The following ENTREP2 variants were observed in gnomAD, a reference collection of about 807,000 sequenced individuals.
ENTREP2 encodes the protein protein ENTREP2.
chr15:29,231,457 A>G, the ENTREP2 span, among the ~76,000 whole-genome samples: 1 of 152,314 alleles, frequency 6.6e-6, no homozygotes, highest in South Asian at 2.1e-4. Flanking sequence ...CTCATATCCC[A>G]TATCATATGT....
the ENTREP2 span, among the ~76,000 whole-genome samples, chr15:29,614,439 T>C: frequency 6.6e-6 from 1 of 152,148 alleles, no homozygotes; most frequent in Non-Finnish European, 1.5e-5. Flanking sequence ...TTACCTTGTT[T>C]ATCTGGGGAG....
chr15:29,490,427 G>A, the ENTREP2 span, among the ~76,000 whole-genome samples: 2 of 152,166 alleles, frequency 1.3e-5, no homozygotes, highest in South Asian at 2.1e-4. Context: ...TGCTGGCTCC[G>A]GCAGCCTGCT....
At chr15:29,503,181 G>C in the ENTREP2 span, among the ~76,000 whole-genome samples, 1 of 152,070 alleles carries the variant, frequency 6.6e-6, no homozygotes, top group African/African-American at 2.4e-5. Flanking sequence ...TAGTCTAAAA[G>C]TGGAAAGAAA....
At chr15:29,135,913 G>A in the ENTREP2 span, among the ~76,000 whole-genome samples, 266 of 152,036 alleles carry the variant, frequency 1.7e-3, 1 homozygote, top group African/African-American at 4.3e-3. The surrounding 1 kb of genome is among the most constrained non-coding windows in gnomAD (Gnocchi z 7.4). Context: ...CTGGGTACTC[G>A]GTCCATGGAC....
chr15:29,439,419 T>C, the ENTREP2 span, among the ~76,000 whole-genome samples: 41 of 151,920 alleles, frequency 2.7e-4, no homozygotes, highest in East Asian at 6.8e-3. Context: ...ACCCACACTA[T>C]TGAATTACAA....
At chr15:29,482,919 T>C in the ENTREP2 span, among the ~76,000 whole-genome samples, 1 of 152,376 alleles carries the variant, frequency 6.6e-6, no homozygotes, top group South Asian at 2.1e-4. Context: ...GCTGCTCAAC[T>C]GCCTTCCAAA....
chr15:29,366,192 G>A, the ENTREP2 span, among the ~76,000 whole-genome samples: 1 of 152,084 alleles, frequency 6.6e-6, no homozygotes, highest in African/African-American at 2.4e-5. Context: ...TCCTGCCTCA[G>A]CCTCCTGAGT....
chr15:29,279,570 G>A, the ENTREP2 span, among the ~76,000 whole-genome samples: 8 of 152,024 alleles, frequency 5.3e-5, 1 homozygote, highest in East Asian at 5.8e-4. Flanking sequence ...TCACCATGTT[G>A]GCCAGGATGG....
the ENTREP2 span, among the ~76,000 whole-genome samples, chr15:29,413,832 AGGCAGG>A: frequency 7.5e-4 from 115 of 152,326 alleles, no homozygotes; most frequent in African/African-American, 2.3e-3. Flanking sequence ...AAACAAAAAA[AGGCAGG>A]GGTTGCAATC....
At chr15:29,436,483 G>T in the ENTREP2 span, among the ~76,000 whole-genome samples, 2 of 152,168 alleles carry the variant, frequency 1.3e-5, no homozygotes, top group African/African-American at 4.8e-5. Flanking sequence ...CAAAAGTGGT[G>T]TTCTGTGAGC....
At chr15:29,674,092 T>G in the ENTREP2 span, among the ~76,000 whole-genome samples, 2 of 119,574 alleles carry the variant, frequency 1.7e-5, no homozygotes, top group Admixed American at 9.0e-5. Context: ...CCTCCCAGGG[T>G]GTGTGGGACT....
At chr15:29,136,296 G>C in the ENTREP2 span, 6 of 1,414,986 alleles carry the variant, frequency 4.2e-6, no homozygotes, top group Non-Finnish European at 5.5e-6. Flanking sequence ...GGTGCCTTCC[G>C]AGGGCAGGCC....
chr15:29,373,155 G>A, the ENTREP2 span, among the ~76,000 whole-genome samples: 1 of 151,622 alleles, frequency 6.6e-6, no homozygotes, highest in Non-Finnish European at 1.5e-5. Flanking sequence ...AAAGTATTAT[G>A]ATCTTAAGAA....
the ENTREP2 span, among the ~76,000 whole-genome samples, chr15:29,136,081 G>A: frequency 0.4 from 60,800 of 152,144 alleles, 12,759 homozygotes; most frequent in Non-Finnish European, 0.43. Flanking sequence ...AAAAGCACCA[G>A]CACTGGGTTC....
chr15:29,253,188 A>G, the ENTREP2 span, among the ~76,000 whole-genome samples: 1 of 152,228 alleles, frequency 6.6e-6, no homozygotes, highest in Non-Finnish European at 1.5e-5. Context: ...CAGGCCACAC[A>G]GGATACAAAG....
chr15:29,540,303 T>G, the ENTREP2 span, among the ~76,000 whole-genome samples: 1 of 152,242 alleles, frequency 6.6e-6, no homozygotes, highest in African/African-American at 2.4e-5. Context: ...TGTTGTTAAC[T>G]ATAGCCACTC....
chr15:29,382,874 C>T, the ENTREP2 span, among the ~76,000 whole-genome samples: 2 of 152,184 alleles, frequency 1.3e-5, no homozygotes, highest in African/African-American at 2.4e-5. Flanking sequence ...AGCCCCACAA[C>T]TCCAAGGAAA....
chr15:29,621,602 A>AAAAC, the ENTREP2 span, among the ~76,000 whole-genome samples: 1 of 151,026 alleles, frequency 6.6e-6, no homozygotes, highest in Non-Finnish European at 1.5e-5. Flanking sequence ...AAAAAAAAAA[A>AAAAC]AAAAAACCCA....
At chr15:29,381,876 T>C in the ENTREP2 span, 17 of 1,525,028 alleles carry the variant, frequency 1.1e-5, no homozygotes, top group African/African-American at 1.1e-4. Flanking sequence ...TTCCGAAACC[T>C]TGCATGGGCA....
Sources: gnomAD v4.1 joint callset for allele counts (sites outside exome capture counted in the v4.1 genomes callset) on GRCh38, gnomAD v4.1.1 for gene constraint, Gnocchi (gnomAD v3.1) non-coding constraint, MANE v1.5 for transcripts, NCBI Gene and HGNC (gene_info 2026-07-23, HGNC 2026-07-21) for gene names.